Variants in UTRN observed in about 807,000 individuals in gnomAD.
UTRN encodes the protein utrophin, also known as dystrophin-related protein 1.
Under a neutral mutation model 463.9 loss-of-function variants are expected in UTRN, and 283 were observed. The ratio of observed to expected loss-of-function variants is 0.61; its 90% CI spans 0.55 to 0.67. The LOEUF is 0.67. Among genes scored for constraint, UTRN ranks in the 30% least tolerant of loss-of-function variants. The pLI is 0.00. For missense variants in UTRN, 3,922 were observed against 4,084.3 expected, an observed-to-expected ratio of 0.96 and a Z score of 1.08; for synonymous variants, 1,442 against 1,431.5, an observed-to-expected ratio of 1.01 and a Z score of -0.17.
chr6:144,524,821 TG>T (rs1459698445), intron 41 of UTRN, among the ~76,000 whole-genome samples: 2 of 152,220 alleles, frequency 1.3e-5, no homozygotes, highest in African/African-American at 4.8e-5. Flanking sequence ...ATGTTGGCTA[TG>T]GGCTAAAAGT....
chr6:144,459,472 T>C, intron 21 of UTRN, 118 bp downstream of exon 21: 1 of 1,136,310 alleles, frequency 8.8e-7, no homozygotes, highest in South Asian at 1.7e-5. Context: ...CATTTTCCTT[T>C]GTGCCTGTAT....
chr6:144,527,327 A>G (rs1394023891), intron 41 of UTRN, among the ~76,000 whole-genome samples: 2 of 152,144 alleles, frequency 1.3e-5, no homozygotes, highest in Non-Finnish European at 2.9e-5. Context: ...TAGGACCCCA[A>G]TCTCTTCTAG....
intron 65 of UTRN, among the ~76,000 whole-genome samples, chr6:144,814,095 C>T (rs995766396): frequency 3.3e-5 from 5 of 152,078 alleles, no homozygotes; most frequent in Non-Finnish European, 7.4e-5. Flanking sequence ...TGTTTATGTC[C>T]CCCAAAAATT....
intron 51 of UTRN, among the ~76,000 whole-genome samples, chr6:144,634,589 G>A (rs1375435783): frequency 6.6e-6 from 1 of 152,152 alleles, no homozygotes; most frequent in Non-Finnish European, 1.5e-5. Flanking sequence ...CATATTCCAA[G>A]TAATGTACCC....
intron 51 of UTRN, among the ~76,000 whole-genome samples, chr6:144,609,384 A>G (rs533641511): frequency 6.6e-6 from 1 of 152,242 alleles, no homozygotes; most frequent in Non-Finnish European, 1.5e-5. Context: ...ATTAATTCAC[A>G]GACATAATTG....
At position 144,793,912 on chromosome 6, in the gene UTRN, A is replaced by G. The variant is rs751180060; in HGVS notation, c.8999A>G (p.Gln3000Arg). 4 of 1,614,154 alleles carry G rather than the reference A, an allele frequency of 2.5e-6. No individual in the cohort carries two copies. The highest frequency in any genetic ancestry group is 2.5e-6 in the Non-Finnish European group (3 of 1,179,998). The part of the protein sequence containing the change: ...QLGLLLHDAI[Q>R]IPRQLGEVAA... Reference sequence around the variant, plus strand: ...GGCCTGTTACTTCATGATGCCATCCAGATCCCCCGGCAGCTAGGTGAAGTA... The same window carrying G: ...GGCCTGTTACTTCATGATGCCATCCGGATCCCCCGGCAGCTAGGTGAAGTA... The change falls in exon 63 of 75, where the codon CAG (glutamine) becomes CGG (arginine). Residue 3000 changes from glutamine to arginine, a missense_variant. By Grantham distance (43) the Gln-to-Arg change is conservative. Transcript: ENST00000367545.
intron 43 of UTRN, among the ~76,000 whole-genome samples, chr6:144,536,487 A>T (rs1183824730): frequency 6.6e-6 from 1 of 152,088 alleles, no homozygotes; most frequent in African/African-American, 2.4e-5. Flanking sequence ...TTCTTGATGG[A>T]TACTTAAAAA....
intron 39 of UTRN, among the ~76,000 whole-genome samples, chr6:144,521,662 AT>A (rs1341470929): frequency 6.6e-6 from 1 of 152,092 alleles, no homozygotes; most frequent in African/African-American, 2.4e-5. Context: ...GGATATTCTC[AT>A]TCTTTCAACA....
chr6:144,788,340 C>A (rs1776462811), intron 61 of UTRN, among the ~76,000 whole-genome samples: 1 of 152,080 alleles, frequency 6.6e-6, no homozygotes, highest in Non-Finnish European at 1.5e-5. Flanking sequence ...TTGCTGAATA[C>A]TTAAATACCA....
intron 39 of UTRN, 116 bp downstream of exon 39, chr6:144,517,064 C>T: frequency 2.2e-6 from 2 of 925,998 alleles, no homozygotes; most frequent in South Asian, 4.0e-5. Context: ...ATATCATCTC[C>T]TCCTTTCTAG....
In UTRN at chr6:144,482,266, A is replaced by G. The variant is rs936888603; in HGVS notation, c.3565A>G (p.Ile1189Val). ...GAGAGTGAAGATTCTCAAGGACAAC[A>G]TCAAGTTATTAGCTGCCAAGGTGCC... ...EVRVKILKDN[I>V]KLLAAKVPSG... The change falls in exon 27 of 75, where the codon ATC becomes GTC. Residue 1189 changes from isoleucine to valine, a missense_variant. Ile to Val is a conservative substitution (Grantham distance 29, BLOSUM62 3). This residue lies in a region of UTRN where 2,349 missense variants were observed against 2,303.8 expected (regional missense o/e 1.02). Transcript: ENST00000367545. 2 of 1,608,510 alleles carry G rather than the reference A, an allele frequency of 1.2e-6. No individual in the cohort carries two copies. Among genetic ancestry groups the G allele is most frequent in the East Asian group, 2.2e-5 (1 of 44,646 alleles).
At chr6:144,592,374 T>A (rs75330554) in intron 51 of UTRN, among the ~76,000 whole-genome samples, 2,506 of 149,378 alleles carry the variant, frequency 0.017, 82 homozygotes, top group African/African-American at 0.058. Flanking sequence ...AATTTTTAAA[T>A]TTTTTTTTTT....
intron 13 of UTRN, among the ~76,000 whole-genome samples, chr6:144,441,640 T>C (rs1584798846): frequency 1.3e-5 from 2 of 152,182 alleles, no homozygotes; most frequent in East Asian, 3.9e-4. Flanking sequence ...TGGAGGACAG[T>C]GGCCGTCTTC....
At chr6:144,372,564 G>A (rs370485635) in intron 2 of UTRN, among the ~76,000 whole-genome samples, 3 of 150,698 alleles carry the variant, frequency 2.0e-5, no homozygotes, top group Non-Finnish European at 4.4e-5. Flanking sequence ...GTGTGATCTC[G>A]GCTCACTGCA....
At chr6:144,710,775 GT>G (rs1344690657) in intron 53 of UTRN, among the ~76,000 whole-genome samples, 7 of 152,154 alleles carry the variant, frequency 4.6e-5, no homozygotes, top group Non-Finnish European at 4.4e-5. Flanking sequence ...TACATGAGCA[GT>G]TTTAACTAAA....
At chr6:144,602,218 G>A (rs1027827911) in intron 51 of UTRN, among the ~76,000 whole-genome samples, 5 of 151,710 alleles carry the variant, frequency 3.3e-5, no homozygotes, top group Admixed American at 6.6e-5. Flanking sequence ...TGCAACCTCC[G>A]CCTCCCAGGT....
At chr6:144,327,036 G>T (rs764680026) in intron 2 of UTRN, among the ~76,000 whole-genome samples, 1 of 152,126 alleles carries the variant, frequency 6.6e-6, no homozygotes, top group Non-Finnish European at 1.5e-5. Context: ...GGGATGTTTC[G>T]GGAGGGATTT....
At position 144,487,537 on chromosome 6, in the gene UTRN, C is replaced by T. The variant is rs1237339723; in HGVS notation, c.3823-11C>T. The T allele has an allele frequency of 5.7e-6, 9 of 1,573,106 alleles. No homozygotes were observed. Among genetic ancestry groups the T allele is most frequent in the Admixed American group, 5.4e-5 (3 of 55,092 alleles). On this transcript the variant is annotated splice_polypyrimidine_tract_variant and intron_variant, in intron 28 of 74. Coordinates refer to ENST00000367545, the MANE Select transcript of UTRN (RefSeq NM_007124.3). The stretch of plus-strand genomic sequence containing the variant: ...ATGCATTATTATTTTTTTTTCCCAT[C>T]TCCATTCCAGTCTCTGGAATCTGTT...
At chr6:144,622,184 G>GTTTTTTGTTTT (rs1775469556) in intron 51 of UTRN, among the ~76,000 whole-genome samples, 1 of 88,212 alleles carries the variant, frequency 1.1e-5, no homozygotes, top group African/African-American at 4.3e-5. Context: ...TTTTTTTGTT[G>GTTTTTTGTTTT]TTTTTTTTTT....
Sources: allele counts gnomAD v4.1 joint callset (sites outside exome capture counted in the v4.1 genomes callset), GRCh38; gene constraint gnomAD v4.1.1; regional missense constraint gnomAD v4.1.1; transcripts MANE v1.5; gene names NCBI Gene and HGNC (gene_info 2026-07-23, HGNC 2026-07-21).